The following SLC22A16 variants were observed in gnomAD, a reference collection of about 807,000 sequenced individuals.
SLC22A16 encodes the protein solute carrier family 22 member 16, also known as WUGSC:RG331P03.1.
Under a neutral mutation model 52.9 loss-of-function variants are expected in SLC22A16, and 53 were observed. That is an observed-to-expected ratio of 1.00 (90% CI 0.80 to 1.26). The LOEUF is 1.26. Among genes scored for constraint, SLC22A16 ranks in the 50% most tolerant of loss-of-function variants. The pLI, the probability that SLC22A16 is intolerant of heterozygous loss-of-function variation, is 0.00. For missense variants in SLC22A16, 726 were observed against 704.0 expected (o/e 1.03, Z -0.35); for synonymous variants, 291 against 268.8 (o/e 1.08, Z -0.81).
chr6:110,451,946 T>A (rs892256100), intron 2 of SLC22A16, among the ~76,000 whole-genome samples: 1 of 152,226 alleles, frequency 6.6e-6, no homozygotes, highest in Non-Finnish European at 1.5e-5. Flanking sequence ...TACTGTAAAA[T>A]GTTAGAAAAT....
intron 2 of SLC22A16, among the ~76,000 whole-genome samples, chr6:110,449,868 G>C (rs1013494574): frequency 2.0e-5 from 3 of 152,120 alleles, no homozygotes; most frequent in African/African-American, 7.2e-5. Context: ...ACACTTCCTA[G>C]AAATAAAATA....
intron 2 of SLC22A16, among the ~76,000 whole-genome samples, chr6:110,453,884 G>A (rs1775479119): frequency 6.6e-6 from 1 of 152,166 alleles, no homozygotes; most frequent in South Asian, 2.1e-4. Context: ...TGGCAGAGAA[G>A]GTCAAAGGTG....
At chr6:110,429,516 ATAT>A (rs1468525142) in intron 7 of SLC22A16, among the ~76,000 whole-genome samples, 2 of 152,232 alleles carry the variant, frequency 1.3e-5, no homozygotes, top group Admixed American at 6.5e-5. Context: ...GACTTCACTG[ATAT>A]TATTGTTTAG....
At chr6:110,473,122 G>A (rs927991758) in intron 1 of SLC22A16, among the ~76,000 whole-genome samples, 2 of 152,114 alleles carry the variant, frequency 1.3e-5, no homozygotes, top group South Asian at 2.1e-4. Flanking sequence ...CACATGGAAA[G>A]CACTCTATGA....
chr6:110,431,098 A>C, intron 7 of SLC22A16, 73 bp downstream of exon 7: 1 of 1,204,738 alleles, frequency 8.3e-7, no homozygotes, highest in Non-Finnish European at 1.2e-6. Flanking sequence ...AAATAACAAT[A>C]GAGAAGTTGC....
chr6:110,474,442 T>G (rs1776387466), intron 1 of SLC22A16, among the ~76,000 whole-genome samples: 1 of 152,238 alleles, frequency 6.6e-6, no homozygotes, highest in Non-Finnish European at 1.5e-5. Flanking sequence ...AATGTGGTAC[T>G]GTGTTGCAGT....
At chr6:110,471,105 CG>C (rs1412466270) in intron 1 of SLC22A16, among the ~76,000 whole-genome samples, 2 of 152,204 alleles carry the variant, frequency 1.3e-5, no homozygotes, top group Non-Finnish European at 2.9e-5. Context: ...AACGACGTTT[CG>C]GTCAATGATG....
chr6:110,471,097 C>T (rs773394387), intron 1 of SLC22A16, among the ~76,000 whole-genome samples: 12 of 152,212 alleles, frequency 7.9e-5, no homozygotes, highest in Admixed American at 2.0e-4. Context: ...TGCCACAAAA[C>T]GACGTTTCGG....
At chr6:110,462,384 G>T (rs542171905) in intron 1 of SLC22A16, among the ~76,000 whole-genome samples, 2 of 152,184 alleles carry the variant, frequency 1.3e-5, no homozygotes, top group African/African-American at 4.8e-5. Flanking sequence ...GACAGATAAA[G>T]AATTCAAAAT....
chr6:110,431,169 A>C lies in SLC22A16; in HGVS notation c.1521+2T>G. 1 of 1,613,700 alleles carries C rather than the reference A, an allele frequency of 6.2e-7. No homozygotes were observed. The highest frequency in any genetic ancestry group is 8.5e-7 in the Non-Finnish European group (1 of 1,179,798). On this transcript the variant is annotated splice_donor_variant, in intron 7 of 7. Coordinates refer to ENST00000368919, the MANE Select transcript of SLC22A16 (RefSeq NM_033125.4). LOFTEE classifies it high-confidence loss of function. ...GGGGAGGGTCTGCAAACTGAAGCAC[A>C]CCTGTGGTATGAAGATCCAAATGCT...
chr6:110,447,761 T>C (rs1398330392), intron 2 of SLC22A16, among the ~76,000 whole-genome samples: 1 of 152,232 alleles, frequency 6.6e-6, no homozygotes, highest in East Asian at 1.9e-4. Context: ...TCAAACAATA[T>C]GTGGCCTTTT....
At chr6:110,429,859 G>A (rs1274793570) in intron 7 of SLC22A16, among the ~76,000 whole-genome samples, 3 of 152,072 alleles carry the variant, frequency 2.0e-5, no homozygotes, top group African/African-American at 4.8e-5. Context: ...AGAGAGGAGC[G>A]CTGTCTTTGG....
chr6:110,432,984 G>A (rs1413719026), intron 6 of SLC22A16, among the ~76,000 whole-genome samples: 1 of 152,142 alleles, frequency 6.6e-6, no homozygotes, highest in African/African-American at 2.4e-5. Context: ...GAGTTCTGAT[G>A]GGTCACTGAC....
chr6:110,464,583 C>T (rs1775997729), intron 1 of SLC22A16, among the ~76,000 whole-genome samples: 1 of 151,640 alleles, frequency 6.6e-6, no homozygotes, highest in Non-Finnish European at 1.5e-5. Flanking sequence ...TACAACCCCT[C>T]AAGAGAAATA....
chr6:110,445,669 G>A (rs564060227), intron 3 of SLC22A16, among the ~76,000 whole-genome samples: 8 of 152,206 alleles, frequency 5.3e-5, no homozygotes, highest in East Asian at 3.9e-4. Context: ...AGAAGCCAAC[G>A]CGTGGTATTT....
chr6:110,455,343 T>A (rs1021449201), intron 2 of SLC22A16: 1 of 152,130 alleles, frequency 6.6e-6, no homozygotes, highest in African/African-American at 2.4e-5. Flanking sequence ...GTATAACAGC[T>A]TGCTGAATGA....
At chr6:110,445,634 G>T (rs1009400823) in intron 3 of SLC22A16, among the ~76,000 whole-genome samples, 2 of 152,118 alleles carry the variant, frequency 1.3e-5, no homozygotes, top group Non-Finnish European at 2.9e-5. Context: ...GTATTCTATG[G>T]GTGTGGCCTT....
At chr6:110,453,298 C>A (rs1775454696) in intron 2 of SLC22A16, among the ~76,000 whole-genome samples, 1 of 152,118 alleles carries the variant, frequency 6.6e-6, no homozygotes, top group African/African-American at 2.4e-5. Context: ...CCAGTTGTTT[C>A]TGTTGATTCT....
chr6:110,467,696 G>A (rs1484890411), intron 1 of SLC22A16, among the ~76,000 whole-genome samples: 2 of 152,244 alleles, frequency 1.3e-5, no homozygotes, highest in African/African-American at 4.8e-5. Flanking sequence ...TTTAAAAAGT[G>A]TATGTGTGCA....
Sources: allele counts gnomAD v4.1 joint callset (sites outside exome capture counted in the v4.1 genomes callset), GRCh38; gene constraint gnomAD v4.1.1; transcripts MANE v1.5; gene names NCBI Gene and HGNC (gene_info 2026-07-23, HGNC 2026-07-21).